CACNB2: variants seen among roughly 807,000 people sequenced by gnomAD.
CACNB2 encodes the protein calcium voltage-gated channel auxiliary subunit beta 2, also known as voltage-dependent L-type calcium channel subunit beta-2.
Under a neutral mutation model 73.3 loss-of-function variants are expected in CACNB2, and 42 were observed. The ratio of observed to expected loss-of-function variants is 0.57; its 90% confidence interval spans 0.45 to 0.74. The LOEUF is 0.74. CACNB2 is among the 30% of genes least tolerant of loss of function. CACNB2 has a pLI of 0.00. For synonymous variants in CACNB2, 348 were observed against 310.3 expected (o/e 1.12, Z -1.28); for missense variants, 940 against 853.0 (o/e 1.10, Z -1.27).
intron 2 of CACNB2, among the ~76,000 whole-genome samples, chr10:18,274,737 A>G (rs1394884498): frequency 1.3e-5 from 2 of 152,164 alleles, no homozygotes; most frequent in Non-Finnish European, 1.5e-5. Context: ...TTTCTGAACT[A>G]TAGTTACAAC....
At chr10:18,487,073 C>T (rs912056986) in intron 3 of CACNB2, among the ~76,000 whole-genome samples, 7 of 152,100 alleles carry the variant, frequency 4.6e-5, no homozygotes, top group Admixed American at 1.3e-4. Context: ...ACATAGGGCG[C>T]GAGAGATTGT....
At chr10:18,391,818 C>T (rs902284955) in intron 2 of CACNB2, among the ~76,000 whole-genome samples, 1 of 150,036 alleles carries the variant, frequency 6.7e-6, no homozygotes, top group Non-Finnish European at 1.5e-5. Flanking sequence ...GTCCCAGCTA[C>T]TCAGGAGGCT....
intron 3 of CACNB2, among the ~76,000 whole-genome samples, chr10:18,478,313 G>A (rs1260399830): frequency 1.3e-5 from 2 of 152,298 alleles, no homozygotes; most frequent in East Asian, 1.9e-4. Context: ...GTAGAACCCT[G>A]ACTTCTATTT....
chr10:18,310,416 A>C (rs1314456482), intron 2 of CACNB2, among the ~76,000 whole-genome samples: 1 of 151,126 alleles, frequency 6.6e-6, no homozygotes, highest in Non-Finnish European at 1.5e-5. Flanking sequence ...GACCAGCCTG[A>C]CCAACATGGA....
At chr10:18,532,038 A>G (rs2053083246) in intron 10 of CACNB2, 1 of 152,170 alleles carries the variant, frequency 6.6e-6, no homozygotes, top group South Asian at 2.1e-4. Context: ...ATTAGAGTAA[A>G]TTCTGAGCAT....
chr10:18,539,442 C>T lies in CACNB2; in HGVS notation c.1701C>T (p.Tyr567=), dbSNP rs2228645. The change falls in exon 14 of 14, where the codon TAC becomes TAT. Residue 567 remains tyrosine, a synonymous_variant. Coordinates refer to ENST00000324631, the MANE Select transcript of CACNB2 (RefSeq NM_201596.3). ...CCCAGGAGAGTCGAGACTCTGCCTA[C>T]GTAGAGCCAAAGGAAGATTATTCCC... The part of the protein sequence containing the change: ...SETQESRDSA[Y]VEPKEDYSHD... 293,577 of 1,613,638 alleles carry T rather than the reference C, an allele frequency of 0.18. 29,264 individuals carry two copies. The highest frequency in any genetic ancestry group is 0.35 in the Admixed American group (21,079 of 59,936).
intron 2 of CACNB2, chr10:18,340,721 C>T: frequency 6.9e-7 from 1 of 1,452,226 alleles, no homozygotes; most frequent in Non-Finnish European, 9.0e-7. Context: ...CTAAGTGGTT[C>T]TGGAACAGAG....
chr10:18,428,955 A>G (rs2209588), intron 3 of CACNB2, among the ~76,000 whole-genome samples: 1 of 152,126 alleles, frequency 6.6e-6, no homozygotes, highest in Non-Finnish European at 1.5e-5. Context: ...TTACCATTTA[A>G]CTTTTAAAAG....
chr10:18,390,419 G>T (rs940723952), intron 2 of CACNB2, among the ~76,000 whole-genome samples: 3 of 152,124 alleles, frequency 2.0e-5, no homozygotes, highest in Admixed American at 6.6e-5. Flanking sequence ...TCACCATATT[G>T]GCCAGGCTGG....
At chr10:18,457,040 C>G (rs906877621) in intron 3 of CACNB2, among the ~76,000 whole-genome samples, 7 of 152,150 alleles carry the variant, frequency 4.6e-5, no homozygotes, top group African/African-American at 1.4e-4. Context: ...CTTTTGGCTA[C>G]TGTCAGTAAT....
intron 2 of CACNB2, among the ~76,000 whole-genome samples, chr10:18,175,529 CTT>C (rs2033534725): frequency 2.0e-5 from 3 of 152,102 alleles, no homozygotes; most frequent in African/African-American, 4.8e-5. Context: ...ATTTGTGTCT[CTT>C]TGTCTTTCAC....
At chr10:18,462,044 A>T (rs1054806745) in intron 3 of CACNB2, among the ~76,000 whole-genome samples, 31 of 152,220 alleles carry the variant, frequency 2.0e-4, no homozygotes, top group African/African-American at 7.2e-4. Context: ...CCCGTTCTAG[A>T]GAATCGGTAC....
At chr10:18,518,025 G>A (rs2051451088) in intron 7 of CACNB2, among the ~76,000 whole-genome samples, 2 of 152,198 alleles carry the variant, frequency 1.3e-5, no homozygotes, top group Non-Finnish European at 1.5e-5. Flanking sequence ...TATCTTGCAT[G>A]AGGCATGTTT....
chr10:18,382,963 A>G (rs934007668), intron 2 of CACNB2, among the ~76,000 whole-genome samples: 3 of 152,202 alleles, frequency 2.0e-5, no homozygotes, highest in Non-Finnish European at 4.4e-5. Context: ...ATGAATTGCC[A>G]CAAGCTTGGT....
chr10:18,507,822 T>C (rs1403007908), intron 6 of CACNB2, among the ~76,000 whole-genome samples: 1 of 152,192 alleles, frequency 6.6e-6, no homozygotes, highest in Non-Finnish European at 1.5e-5. Flanking sequence ...ATCAAAGAAC[T>C]AGTCACACAG....
At chr10:18,321,959 C>T (rs913501656) in intron 2 of CACNB2, among the ~76,000 whole-genome samples, 2 of 152,024 alleles carry the variant, frequency 1.3e-5, no homozygotes, top group African/African-American at 4.8e-5. Context: ...TCAAGACCAG[C>T]CTGAACAACA....
intron 2 of CACNB2, among the ~76,000 whole-genome samples, chr10:18,313,078 A>G (rs990774771): frequency 2.6e-5 from 4 of 152,146 alleles, no homozygotes; most frequent in Non-Finnish European, 4.4e-5. Flanking sequence ...GGTGACTGTG[A>G]TCATTTTTTA....
Position 18,498,630 on chromosome 10 carries a change from G to T in CACNB2, c.456+153G>T, listed in dbSNP as rs1319456174. On this transcript the variant is annotated intron_variant, in intron 4 of 13. Transcript: ENST00000324631. ...ACTAAATCAATGGCTCTCAACCTCTGCTAATATAAATATACCTTTTAAAGT... is the reference window on the plus strand; with the variant it reads ...ACTAAATCAATGGCTCTCAACCTCTTCTAATATAAATATACCTTTTAAAGT... The T allele has an allele frequency of 6.5e-6, 5 of 771,978 alleles. No homozygotes were observed. In the Admixed American group the frequency reaches 1.0e-4, roughly 16 times the overall value. The allele number at this position is 771,978 out of a possible 1,614,324, so 47.8% of individuals were successfully genotyped here.
At chr10:18,171,187 G>A (rs970589491) in intron 2 of CACNB2, among the ~76,000 whole-genome samples, 1 of 152,154 alleles carries the variant, frequency 6.6e-6, no homozygotes, top group African/African-American at 2.4e-5. Flanking sequence ...CCTGTCTTCT[G>A]CCAGGCATTA....
Sources: allele counts gnomAD v4.1 joint callset (sites outside exome capture counted in the v4.1 genomes callset), GRCh38; gene constraint gnomAD v4.1.1; transcripts MANE v1.5; gene names NCBI Gene and HGNC (gene_info 2026-07-23, HGNC 2026-07-21).